Variants in CABP7 observed in about 807,000 individuals in gnomAD.
The protein encoded by CABP7 is calcium binding protein 7, also known as calcium-binding protein 7.
CABP7 carries 13 observed loss-of-function variants against 23.1 expected under a neutral mutation model. The ratio of observed to expected loss-of-function variants is 0.56; its 90% CI spans 0.37 to 0.90. The LOEUF is 0.90. CABP7 is among the 40% of genes least tolerant of loss of function. The probability of loss-of-function intolerance (pLI) is 0.01; values close to 1 mark genes in which losing one functional copy is unlikely to be tolerated. For synonymous variants in CABP7, 123 were observed against 115.3 expected, an observed-to-expected ratio of 1.07 and a Z score of -0.43; for missense variants, 248 against 295.6, an observed-to-expected ratio of 0.84 and a Z score of 1.18.
rs775957525 is a variant in CABP7 at position 29,720,473 on chromosome 22, A to G, written c.49A>G (p.Thr17Ala). ...TAALMYRGIY[T>A]VPNLLSEQRP... Reference sequence around the variant, plus strand: ...GGCGTTGATGTACCGGGGCATCTACACCGTGCCCAACCTGCTGTCGGAGCA... The same window carrying G: ...GGCGTTGATGTACCGGGGCATCTACGCCGTGCCCAACCTGCTGTCGGAGCA... The change falls in exon 1 of 5, where the codon ACC becomes GCC. Residue 17 changes from threonine to alanine, a missense_variant. Coordinates refer to ENST00000216144, the MANE Select transcript of CABP7 (RefSeq NM_182527.3). This position sits in a 1 kb window ranked among gnomAD's most constrained non-coding sequence, Gnocchi z 5.2. The G allele has an allele frequency of 1.9e-6, 3 of 1,563,154 alleles. No homozygotes were observed. The highest frequency in any genetic ancestry group is 2.6e-6 in the Non-Finnish European group (3 of 1,156,226).
Position 29,728,688 on chromosome 22 carries a change from C to T in CABP7, c.312C>T (p.Thr104=). 6.2e-7 allele frequency: 1 copy of T among 1,613,752 alleles called. No individual in the cohort carries two copies. Among genetic ancestry groups the T allele is most frequent in the Non-Finnish European group, 8.5e-7 (1 of 1,179,906 alleles). ...FVTLLGPKLS[T]SGIPEKFHGT... ...CCCTTCTGGGACCCAAACTCTCCAC[C>T]TCAGGGATCCCAGAGAAGTTCCATG... Residue 104 remains threonine (T), a synonymous_variant, in exon 3 of 5, where the codon ACC becomes ACT. Coordinates refer to ENST00000216144, the MANE Select transcript of CABP7 (RefSeq NM_182527.3).
chr22:29,731,537 C>A lies in CABP7; in HGVS notation c.*1968C>A, dbSNP rs1837695297. 7.3e-6 allele frequency: 5 copies of A among 688,874 alleles called. No homozygotes were observed. The highest frequency in any genetic ancestry group is 1.1e-5 in the Non-Finnish European group (5 of 449,572). The allele number at this position is 688,874 out of a possible 1,614,324, so 42.7% of individuals were successfully genotyped here. On this transcript the variant is annotated 3_prime_UTR_variant, in exon 5 of 5. Coordinates refer to ENST00000216144, the MANE Select transcript of CABP7 (RefSeq NM_182527.3). ...GAGCCAGCGACCTCACCTCTAGGAA[C>A]TGAGCCCAAGGAAATAGCGGGGTTG...
rs1601704729 is a variant in CABP7 at position 29,720,377 on chromosome 22, C to G, written c.-48C>G. 7.6e-7 allele frequency: 1 copy of G among 1,324,216 alleles called. No individual in the cohort carries two copies. Among genetic ancestry groups the G allele is most frequent in the Non-Finnish European group, 1.0e-6 (1 of 990,464 alleles). 82.0% of individuals were successfully genotyped at this position (1,324,216 alleles called of 1,614,324 possible). On this transcript the variant is annotated 5_prime_UTR_variant, in exon 1 of 5. Transcript: ENST00000216144. This position sits in a 1 kb window ranked among gnomAD's most constrained non-coding sequence, Gnocchi z 5.2. Reference sequence around the variant, plus strand: ...CCCGGGGCCGCCACCGGCCCATGAGCCCCGGCCTCAAAGTTTGCGGCGGGC... The same window carrying G: ...CCCGGGGCCGCCACCGGCCCATGAGGCCCGGCCTCAAAGTTTGCGGCGGGC...
At chr22:29,728,931 G>A (rs2067815727) in intron 3 of CABP7, 124 bp from the exon 4 acceptor site, 3 of 1,306,810 alleles carry the variant, frequency 2.3e-6, no homozygotes, top group Admixed American at 1.8e-5. Context: ...CTCTCTGGGG[G>A]AATGGAGCAA....
chr22:29,721,635 G>C (rs1301261776), intron 1 of CABP7, among the ~76,000 whole-genome samples: 1 of 152,118 alleles, frequency 6.6e-6, no homozygotes, highest in African/African-American at 2.4e-5. Context: ...GAGCCCAGGG[G>C]AAGCCATGGA....
In CABP7 at chr22:29,730,166, C is replaced by T. The variant is rs1479953060; in HGVS notation, c.*597C>T. The T allele has an allele frequency of 6.5e-6, 1 of 152,974 alleles. No individual in the cohort carries two copies. Among genetic ancestry groups the T allele is most frequent in the Admixed American group, 6.5e-5 (1 of 15,298 alleles). The allele number at this position is 152,974 out of a possible 1,614,324, so 9.5% of individuals were successfully genotyped here. ...GACCCCAACCCAGACCCCCTTTTCT[C>T]CATGTACCTGCTGGGCCAGCCCATT... On this transcript the variant is annotated 3_prime_UTR_variant, in exon 5 of 5. Coordinates refer to ENST00000216144, the MANE Select transcript of CABP7 (RefSeq NM_182527.3).
At position 29,720,614 on chromosome 22, in the gene CABP7, C is replaced by CG. The variant is rs2067753884; in HGVS notation, c.109+87dup. 8.5e-6 allele frequency: 6 copies of CG among 709,086 alleles called. No individual in the cohort carries two copies. In the South Asian group the frequency reaches 9.3e-5, roughly 11 times the overall value. 43.9% of individuals were successfully genotyped at this position (709,086 alleles called of 1,614,324 possible). On this transcript the variant is annotated intron_variant, in intron 1 of 4. Coordinates refer to ENST00000216144, the MANE Select transcript of CABP7 (RefSeq NM_182527.3). This position sits in a 1 kb window ranked among gnomAD's most constrained non-coding sequence, Gnocchi z 5.2. Reference sequence around the variant, plus strand: ...GAAGCGCGGGCCAGGGGCGCGGGGGCGGGGGGCGGGGGGCGGTCCGCAGGT... The same window carrying CG: ...GAAGCGCGGGCCAGGGGCGCGGGGGCGGGGGGGCGGGGGGCGGTCCGCAGGT...
At chr22:29,728,968 A>G (rs2067815989) in intron 3 of CABP7, 87 bp from the exon 4 acceptor site, 23 of 1,501,654 alleles carry the variant, frequency 1.5e-5, no homozygotes, top group Non-Finnish European at 2.1e-5. Flanking sequence ...CAGAATCTAG[A>G]GGCCTGTCAC....
intron 1 of CABP7, among the ~76,000 whole-genome samples, chr22:29,723,984 C>G (rs1450381719): frequency 6.6e-6 from 1 of 152,218 alleles, no homozygotes; most frequent in East Asian, 1.9e-4. Context: ...GGGGGCAGGT[C>G]AGCCTGGAAA....
At position 29,728,721 on chromosome 22, in the gene CABP7, C is replaced by T. The variant is rs933262220; in HGVS notation, c.345C>T (p.Asp115=). Residue 115 remains aspartate (D), a synonymous_variant, in exon 3 of 5, where the codon GAC becomes GAT. Coordinates refer to ENST00000216144, the MANE Select transcript of CABP7 (RefSeq NM_182527.3). ...SGIPEKFHGT[D]FDTVFWKCDM... ...TCCCAGAGAAGTTCCATGGCACCGA[C>T]TTTGATACTGTCTTCTGGAAGGTAT... 1.9e-6 allele frequency: 3 copies of T among 1,612,874 alleles called. No individual in the cohort carries two copies. Among genetic ancestry groups the T allele is most frequent in the Non-Finnish European group, 2.5e-6 (3 of 1,179,268 alleles).
At chr22:29,724,871 C>T (rs971466392) in intron 1 of CABP7, among the ~76,000 whole-genome samples, 9 of 152,196 alleles carry the variant, frequency 5.9e-5, no homozygotes, top group African/African-American at 9.7e-5. Flanking sequence ...TCCCCTGGCT[C>T]CCCTCGGCCC....
At chr22:29,724,621 G>A (rs575085190) in intron 1 of CABP7, among the ~76,000 whole-genome samples, 2 of 152,292 alleles carry the variant, frequency 1.3e-5, no homozygotes, top group South Asian at 4.1e-4. Flanking sequence ...GCCTCTGTGG[G>A]CGGGTGGGAG....
intron 1 of CABP7, among the ~76,000 whole-genome samples, chr22:29,725,127 T>A (rs1283622957): frequency 1.3e-5 from 2 of 152,042 alleles, no homozygotes; most frequent in African/African-American, 4.8e-5. Context: ...CTGACCCTGG[T>A]CCTCCTTCCC....
chr22:29,725,629 G>A (rs1293209829), intron 1 of CABP7, among the ~76,000 whole-genome samples: 2 of 152,154 alleles, frequency 1.3e-5, no homozygotes, highest in South Asian at 2.1e-4. Flanking sequence ...GCTGGCCAGT[G>A]GGGAACAGGG....
At position 29,727,294 on chromosome 22, in the gene CABP7, G is replaced by A. The variant is rs1285955075; in HGVS notation, c.110-368G>A. Among the ~76,000 whole-genome samples, 64 of 151,166 alleles carry A rather than the reference G, an allele frequency of 4.2e-4. 1 individual carries two copies. The highest frequency in any genetic ancestry group is 6.6e-5 in the Admixed American group (1 of 15,186). ...AGAGGGGGATGAAAGGAATGGGGGC[G>A]GGTGGGGAAGCCGTCAGCAGCCGCG... On this transcript the variant is annotated intron_variant, in intron 1 of 4. Coordinates refer to ENST00000216144, the MANE Select transcript of CABP7 (RefSeq NM_182527.3). The surrounding 1 kb of genome is among the most constrained non-coding windows in gnomAD (Gnocchi z 4.2).
chr22:29,727,449 G>A lies in CABP7; in HGVS notation c.110-213G>A, dbSNP rs1368878955. ...CAAGAGGTCACTGCTGGGGGGCCTT[G>A]AGCCCTGCTTTACTGCCCTGCTCAG... On this transcript the variant is annotated intron_variant, in intron 1 of 4. Coordinates refer to ENST00000216144, the MANE Select transcript of CABP7 (RefSeq NM_182527.3). The surrounding 1 kb of genome is among the most constrained non-coding windows in gnomAD (Gnocchi z 4.2). Among the ~76,000 whole-genome samples the A allele has an allele frequency of 6.6e-6, 1 of 152,206 alleles. No individual in the cohort carries two copies. Among genetic ancestry groups the A allele is most frequent in the African/African-American group, 2.4e-5 (1 of 41,460 alleles).
rs1432429201 is a variant in CABP7 at position 29,720,196 on chromosome 22, C to T, written c.-229C>T. 1 of 146,592 alleles carries T rather than the reference C, an allele frequency of 6.8e-6. No homozygotes were observed. Among genetic ancestry groups the T allele is most frequent in the Admixed American group, 6.8e-5 (1 of 14,754 alleles). The allele number at this position is 146,592 out of a possible 1,614,324, so 9.1% of individuals were successfully genotyped here. Reference sequence around the variant, plus strand: ...GCCAGAGCGGCGCCGCCCCCGCTGCCCCTGCGGGGCCCCGGCTGGGAGCCC... The same window carrying T: ...GCCAGAGCGGCGCCGCCCCCGCTGCTCCTGCGGGGCCCCGGCTGGGAGCCC... On this transcript the variant is annotated 5_prime_UTR_variant, in exon 1 of 5. Coordinates refer to ENST00000216144, the MANE Select transcript of CABP7 (RefSeq NM_182527.3). This position sits in a 1 kb window ranked among gnomAD's most constrained non-coding sequence, Gnocchi z 5.2.
intron 2 of CABP7, among the ~76,000 whole-genome samples, 181 bp from the exon 3 acceptor site, chr22:29,728,449 C>T (rs1427214021): frequency 6.6e-6 from 1 of 152,190 alleles, no homozygotes; most frequent in Non-Finnish European, 1.5e-5. Context: ...TCAGCGTCAG[C>T]CCAGAGCCTG....
chr22:29,722,245 C>T (rs1377597519), intron 1 of CABP7, among the ~76,000 whole-genome samples: 1 of 152,228 alleles, frequency 6.6e-6, no homozygotes, highest in Non-Finnish European at 1.5e-5. Flanking sequence ...AGTGCACTCC[C>T]TGAGGAAGGG....
Sources: allele counts gnomAD v4.1 joint callset (sites outside exome capture counted in the v4.1 genomes callset), GRCh38; gene constraint gnomAD v4.1.1; non-coding constraint Gnocchi (gnomAD v3.1); transcripts MANE v1.5; gene names NCBI Gene and HGNC (gene_info 2026-07-23, HGNC 2026-07-21).